Variants in IL4I1 observed in about 807,000 individuals in gnomAD.
IL4I1 encodes L-amino-acid oxidase.
Under a neutral mutation model 29.7 loss-of-function variants are expected in IL4I1, and 24 were observed. The observed-to-expected ratio is 0.81, with a 90% CI of 0.59 to 1.14. IL4I1 has a LOEUF of 1.14. Among genes scored for constraint, IL4I1 ranks in the 50% most tolerant of loss-of-function variants. The pLI is 0.00. For synonymous variants in IL4I1, 371 were observed against 352.5 expected, an observed-to-expected ratio of 1.05 and a Z score of -0.59; for missense variants, 686 against 785.6, an observed-to-expected ratio of 0.87 and a Z score of 1.52.
Position 49,896,195 on chromosome 19 carries a change from A to G in IL4I1, c.-22-13T>C. The stretch of plus-strand genomic sequence containing the variant: ...TGGGAGATGGTGTCTGGGGTGGAGG[A>G]GAAGGGAGGGCTGTTGTGACTGAGG... On this transcript the variant is annotated splice_polypyrimidine_tract_variant and intron_variant, in intron 1 of 7. Transcript: ENST00000391826. 1 of 1,494,010 alleles carries G rather than the reference A, an allele frequency of 6.7e-7. No individual in the cohort carries two copies. The highest frequency in any genetic ancestry group is 2.4e-5 in the East Asian group (1 of 41,096). The allele number at this position is 1,494,010 out of a possible 1,614,324, so 92.5% of individuals were successfully genotyped here. A position where few individuals can be genotyped will look rare whatever the true frequency, so the allele number is the denominator to read the frequency against.
intron 2 of IL4I1, among the ~76,000 whole-genome samples, chr19:49,905,343 A>G (rs2075308357): frequency 6.6e-6 from 1 of 152,228 alleles, no homozygotes; most frequent in Admixed American, 6.5e-5. Flanking sequence ...TGGATGCTGA[A>G]CGCACAAATG....
chr19:49,924,245 C>T (rs764711673), intron 2 of IL4I1, among the ~76,000 whole-genome samples: 1 of 152,148 alleles, frequency 6.6e-6, no homozygotes, highest in Non-Finnish European at 1.5e-5. Flanking sequence ...CTCGGGACCT[C>T]AGTCTTGACT....
chr19:49,905,972 A>T (rs2075317197), intron 2 of IL4I1, among the ~76,000 whole-genome samples: 1 of 152,130 alleles, frequency 6.6e-6, no homozygotes, highest in South Asian at 2.1e-4. Flanking sequence ...TGAATCTCCC[A>T]AGTGTTGCCC....
At chr19:49,924,387 T>C (rs1276601120) in intron 2 of IL4I1, among the ~76,000 whole-genome samples, 6 of 152,170 alleles carry the variant, frequency 3.9e-5, no homozygotes, top group Non-Finnish European at 1.5e-5. Flanking sequence ...GGGTTCTCCC[T>C]TATCCAAGGC....
rs187007523 is a variant in IL4I1, at chr19:49,903,940, T to C, written c.-105+259A>G. Among the ~76,000 whole-genome samples, 293 of 147,240 alleles carry C rather than the reference T, an allele frequency of 2.0e-3. 1 individual carries two copies. The highest frequency in any genetic ancestry group is 3.5e-3 in the Middle Eastern group (1 of 286). ...CTGCAATGTCTGCCTCCCAGGTTCA[T>C]GTGATCCTCCCACCTCAGCCTCCAA... On this transcript the variant is annotated intron_variant, in intron 3 of 9. Coordinates refer to the IL4I1 transcript ENST00000341114.
Position 49,890,645 on chromosome 19 carries a change from C to T in IL4I1, c.774-45G>A, listed in dbSNP as rs1348876994. The T allele has an allele frequency of 1.3e-5, 19 of 1,431,388 alleles. 1 individual carries two copies. In the South Asian group the frequency reaches 2.5e-4, roughly 19 times the overall value. 88.7% of individuals were successfully genotyped at this position (1,431,388 alleles called of 1,614,324 possible). A position where few individuals can be genotyped will look rare whatever the true frequency, so the allele number is the denominator to read the frequency against. On this transcript the variant is annotated intron_variant, in intron 7 of 7. Transcript: ENST00000391826. The stretch of plus-strand genomic sequence containing the variant: ...GGGTGGGGGCGTGACCTGGGCTCTG[C>T]GGCCCTGCCCCTCTGCCTTGCCCCA...
At chr19:49,907,427 C>A in intron 2 of IL4I1, 10 of 407,602 alleles carry the variant, frequency 2.5e-5, no homozygotes, top group South Asian at 1.4e-4. Flanking sequence ...AATTCTTGAT[C>A]CCGCTCTGTT....
chr19:49,889,728 G>A lies in IL4I1; in HGVS notation c.1646C>T (p.Pro549Leu). 1 of 1,515,830 alleles carries A rather than the reference G, an allele frequency of 6.6e-7. No homozygotes were observed. Among genetic ancestry groups the A allele is most frequent in the Non-Finnish European group, 8.8e-7 (1 of 1,132,184 alleles). The allele number at this position is 1,515,830 out of a possible 1,614,324, so 93.9% of individuals were successfully genotyped here. Residue 549 changes from proline (P) to leucine (L), a missense_variant, in exon 8 of 8, where the codon CCT (proline) becomes CTT (leucine). Physicochemically the swap from Pro to Leu is moderately conservative, Grantham distance 98. Transcript: ENST00000391826. ...HDLAKEEGSH[P>L]PVQGQLSLQN... ...GAGAGATAACTGGCCTTGGACTGGA[G>A]GGTGGCTGCCTTCTTCCTTTGCCAG... is the stretch of plus-strand genomic sequence containing the variant.
At chr19:49,924,080 C>T (rs931464697) in intron 2 of IL4I1, among the ~76,000 whole-genome samples, 1 of 152,198 alleles carries the variant, frequency 6.6e-6, no homozygotes, top group African/African-American at 2.4e-5. Context: ...TAGCGTCTGG[C>T]AACTGTGAGC....
At chr19:49,929,189 TC>T (rs5828422) in intron 1 of IL4I1, 70,963 of 152,502 alleles carry the variant, frequency 0.47, 17,101 homozygotes, top group East Asian at 0.81. Flanking sequence ...CTGTCCCCAG[TC>T]CCCGGGGCCG....
chr19:49,909,135 T>C lies in IL4I1; in HGVS notation c.-227-4814A>G, dbSNP rs79733076. ...GCAGATGAGGTTGGAGCAGTTGCTATTGACGCAAAGAGGCTGGGCCCAGTG... is the reference window on the plus strand; with the variant it reads ...GCAGATGAGGTTGGAGCAGTTGCTACTGACGCAAAGAGGCTGGGCCCAGTG... On this transcript the variant is annotated intron_variant, in intron 2 of 9. Coordinates refer to the IL4I1 transcript ENST00000341114. 4.6e-5 allele frequency: 74 copies of C among 1,612,700 alleles called. No individual in the cohort carries two copies. In the African/African-American group the frequency reaches 8.9e-4, roughly 19 times the overall value.
chr19:49,896,665 C>A (rs1468249807), intron 1 of IL4I1, among the ~76,000 whole-genome samples, 170 bp downstream of exon 1: 1 of 152,042 alleles, frequency 6.6e-6, no homozygotes, highest in Admixed American at 6.6e-5. Flanking sequence ...AACTCCTGAC[C>A]TTAGGTGATC....
chr19:49,891,363 C>T (rs758998512), intron 6 of IL4I1, 42 bp downstream of exon 6: 2 of 1,600,234 alleles, frequency 1.2e-6, no homozygotes, highest in South Asian at 1.1e-5. Flanking sequence ...CATGGTCACT[C>T]TCTTTGCCCT....
Position 49,889,754 on chromosome 19 carries a change from G to C in IL4I1, c.1620C>G (p.Asp540Glu). 1 of 1,521,282 alleles carries C rather than the reference G, an allele frequency of 6.6e-7. No homozygotes were observed. Among genetic ancestry groups the C allele is most frequent in the African/African-American group, 1.4e-5 (1 of 71,896 alleles). 94.2% of individuals were successfully genotyped at this position (1,521,282 alleles called of 1,614,324 possible). ...GGTGGCTGCCTTCTTCCTTTGCCAGGTCATGCGAGGGGCTGCTGGCCACCC... is the reference window on the plus strand; with the variant it reads ...GGTGGCTGCCTTCTTCCTTTGCCAGCTCATGCGAGGGGCTGCTGGCCACCC... ...VHGVASSPSH[D>E]LAKEEGSHPP... Residue 540 changes from aspartate (D) to glutamate (E), a missense_variant, in exon 8 of 8, where the codon GAC becomes GAG. Asp to Glu is a conservative substitution (Grantham distance 45, BLOSUM62 2). Transcript: ENST00000391826.
At chr19:49,908,516 T>C (rs2075374166) in intron 2 of IL4I1, 1 of 1,614,046 alleles carries the variant, frequency 6.2e-7, no homozygotes, top group African/African-American at 1.3e-5. Flanking sequence ...GTAGGTTTTC[T>C]CACGCTCCTC....
At position 49,889,865 on chromosome 19, in the gene IL4I1, C is replaced by T. The variant is rs1385677425; in HGVS notation, c.1509G>A (p.Lys503=). 3.1e-6 allele frequency: 5 copies of T among 1,596,528 alleles called. No homozygotes were observed. Among genetic ancestry groups the T allele is most frequent in the African/African-American group, 2.7e-5 (2 of 74,116 alleles). ...ATGCAGGCCCCTTCCGGCTGTTGAT[C>T]TTGATGGCGGCGCGCAGCGCCGACT... The part of the protein sequence containing the change: ...AVKSALRAAI[K]INSRKGPASD... Residue 503 remains lysine, a synonymous_variant, in exon 8 of 8, where the codon AAG becomes AAA. Coordinates refer to ENST00000391826, the MANE Select transcript of IL4I1 (RefSeq NM_152899.2).
intron 2 of IL4I1, among the ~76,000 whole-genome samples, chr19:49,926,675 T>C (rs2075899023): frequency 6.6e-6 from 1 of 152,240 alleles, no homozygotes; most frequent in Non-Finnish European, 1.5e-5. Context: ...CAGTCTACCC[T>C]TAATTCCATC....
rs772416904 is a variant in IL4I1 at position 49,909,588 on chromosome 19, A to G, written c.-227-5267T>C. ...GCAAGAGTCGCTGTTCCAAAAGTGA[A>G]GCCTGTCGTCTGTGTGGCCGGAGTC... On this transcript the variant is annotated intron_variant, in intron 2 of 9. Transcript: ENST00000341114. The G allele has an allele frequency of 2.9e-5, 46 of 1,614,000 alleles. No individual in the cohort carries two copies. The highest frequency in any genetic ancestry group is 3.7e-5 in the Non-Finnish European group (44 of 1,180,018).
intron 1 of IL4I1, chr19:49,929,301 GC>G: frequency 6.5e-6 from 1 of 154,322 alleles, no homozygotes; most frequent in Non-Finnish European, 1.4e-5. Context: ...ACCCCTTTGT[GC>G]CCCCGGCCCG....
Sources: allele counts gnomAD v4.1 joint callset (sites outside exome capture counted in the v4.1 genomes callset), GRCh38; gene constraint gnomAD v4.1.1; transcripts MANE v1.5; gene names NCBI Gene and HGNC (gene_info 2026-07-23, HGNC 2026-07-21).